The following PRMT3 variants were observed in gnomAD, a reference collection of about 807,000 sequenced individuals.
The protein encoded by PRMT3 is protein arginine methyltransferase 3.
A neutral mutation model predicts 71.9 loss-of-function variants in PRMT3; 62 were observed. That is an observed-to-expected ratio of 0.86 (90% CI 0.70 to 1.07). The LOEUF (loss-of-function observed/expected upper bound fraction) is 1.07. Ranked by LOEUF, PRMT3 falls within the 50% of genes least tolerant of loss-of-function variation. PRMT3 has a pLI of 0.00. For missense variants in PRMT3, 663 were observed against 643.0 expected (o/e 1.03, Z -0.34); for synonymous variants, 213 against 220.4 (o/e 0.97, Z 0.30).
intron 9 of PRMT3, among the ~76,000 whole-genome samples, chr11:20,415,826 A>T (rs1026800270): frequency 1.3e-5 from 2 of 152,180 alleles, no homozygotes; most frequent in Non-Finnish European, 2.9e-5. Context: ...TTCTGCAATC[A>T]TATGAGTGAT....
At chr11:20,431,372 T>C (rs1849651779) in intron 10 of PRMT3, among the ~76,000 whole-genome samples, 1 of 152,124 alleles carries the variant, frequency 6.6e-6, no homozygotes, top group Admixed American at 6.5e-5. Flanking sequence ...CATAAGGTTT[T>C]TTTGTGAGGA....
At chr11:20,449,044 C>T (rs1370404346) in intron 10 of PRMT3, among the ~76,000 whole-genome samples, 1 of 152,066 alleles carries the variant, frequency 6.6e-6, no homozygotes, top group Non-Finnish European at 1.5e-5. Flanking sequence ...GGACAATTCC[C>T]AGGAATTTAA....
chr11:20,506,093 C>T (rs570348079), intron 15 of PRMT3, among the ~76,000 whole-genome samples: 34 of 152,248 alleles, frequency 2.2e-4, no homozygotes, highest in African/African-American at 8.2e-4. Context: ...TGAACTTCAT[C>T]TGTGAGTAAG....
At chr11:20,392,164 A>G in intron 3 of PRMT3, 47 bp from the exon 4 acceptor site, 1 of 1,543,644 alleles carries the variant, frequency 6.5e-7, no homozygotes, top group African/African-American at 1.4e-5. Context: ...TCAGTTAAAC[A>G]AAACTCATTA....
chr11:20,395,753 G>C (rs749037459), intron 5 of PRMT3, 50 bp from the exon 6 acceptor site: 5 of 1,546,320 alleles, frequency 3.2e-6, no homozygotes, highest in Non-Finnish European at 3.5e-6. Flanking sequence ...ATTTATACTT[G>C]TTTTATTGTT....
At chr11:20,405,872 C>T (rs1849058426) in intron 8 of PRMT3, 1 of 152,116 alleles carries the variant, frequency 6.6e-6, no homozygotes, top group Non-Finnish European at 1.5e-5. Context: ...GTATTAAATA[C>T]ATTTATAATG....
intron 11 of PRMT3, among the ~76,000 whole-genome samples, chr11:20,456,772 TATCAATTTGGAATTGG>T (rs1850276000): frequency 6.6e-6 from 1 of 152,250 alleles, no homozygotes; most frequent in Non-Finnish European, 1.5e-5. Flanking sequence ...TGAATGAATT[TATCAATTTGGAATTGG>T]ATAAATTTGG....
At chr11:20,414,169 G>T (rs1226083476) in intron 9 of PRMT3, among the ~76,000 whole-genome samples, 1 of 152,030 alleles carries the variant, frequency 6.6e-6, no homozygotes, top group African/African-American at 2.4e-5. Flanking sequence ...ACCTGGGCAA[G>T]ATAGAACTGT....
chr11:20,503,052 T>TAA (rs553968683), intron 15 of PRMT3, among the ~76,000 whole-genome samples: 2 of 138,024 alleles, frequency 1.4e-5, no homozygotes, highest in Non-Finnish European at 3.2e-5. Flanking sequence ...TAATCCATCC[T>TAA]AAAGAATCAA....
At chr11:20,507,966 C>T (rs1257585727) in intron 15 of PRMT3, among the ~76,000 whole-genome samples, 1 of 151,784 alleles carries the variant, frequency 6.6e-6, no homozygotes, top group Non-Finnish European at 1.5e-5. Flanking sequence ...ATTAGCTGGG[C>T]ATGGTGGCAT....
intron 10 of PRMT3, among the ~76,000 whole-genome samples, chr11:20,435,868 C>G (rs1437436087): frequency 6.6e-6 from 1 of 152,156 alleles, no homozygotes; most frequent in Admixed American, 6.6e-5. Context: ...CGAAGAATGT[C>G]ATTGGTATTT....
At position 20,462,151 on chromosome 11, in the gene PRMT3, A is replaced by C; in HGVS notation, c.1244A>C (p.Glu415Ala). Residue 415 changes from glutamate to alanine, a missense_variant, in exon 12 of 16, where the codon GAA becomes GCA. Coordinates refer to ENST00000331079, the MANE Select transcript of PRMT3 (RefSeq NM_005788.4). Reference protein sequence around the residue: ...EVLDPKTLISEPCGIKHIDCH... With the variant: ...EVLDPKTLISAPCGIKHIDCH... ...TTAGATCCGAAGACTCTTATTTCAG[A>C]ACCTTGTGGTATTAAGGTAGGTGTT... 3 of 1,607,052 alleles carry C rather than the reference A, an allele frequency of 1.9e-6. No individual in the cohort carries two copies. Among genetic ancestry groups the C allele is most frequent in the Non-Finnish European group, 2.6e-6 (3 of 1,175,354 alleles).
chr11:20,454,712 G>A (rs926343835), intron 11 of PRMT3, among the ~76,000 whole-genome samples: 1 of 152,082 alleles, frequency 6.6e-6, no homozygotes, highest in Non-Finnish European at 1.5e-5. Context: ...CTGAAGGAAA[G>A]ATTTACCAAG....
intron 15 of PRMT3, among the ~76,000 whole-genome samples, chr11:20,500,837 C>G (rs1163816895): frequency 6.6e-6 from 1 of 152,150 alleles, no homozygotes; most frequent in Non-Finnish European, 1.5e-5. Context: ...TGGCAACATT[C>G]GAACACATTT....
intron 10 of PRMT3, among the ~76,000 whole-genome samples, chr11:20,446,474 A>AGGTTCTG (rs1850032539): frequency 2.0e-5 from 3 of 151,860 alleles, no homozygotes; most frequent in Admixed American, 1.3e-4. Context: ...TTATGAGCAG[A>AGGTTCTG]GGTTCTGGGT....
chr11:20,466,575 A>T (rs990257110), intron 13 of PRMT3, among the ~76,000 whole-genome samples: 1 of 152,130 alleles, frequency 6.6e-6, no homozygotes, highest in Non-Finnish European at 1.5e-5. Context: ...AGTTTTAGCT[A>T]CAGTTTTATA....
intron 13 of PRMT3, among the ~76,000 whole-genome samples, chr11:20,491,270 A>T (rs1167536746): frequency 2.0e-5 from 3 of 152,194 alleles, no homozygotes; most frequent in Non-Finnish European, 4.4e-5. Context: ...GAACATGGTT[A>T]TAATTGCTGC....
At chr11:20,447,784 C>G (rs976698071) in intron 10 of PRMT3, among the ~76,000 whole-genome samples, 1 of 151,922 alleles carries the variant, frequency 6.6e-6, no homozygotes, top group African/African-American at 2.4e-5. Context: ...CGTTGTTTAC[C>G]AAGATCTTAT....
chr11:20,460,372 T>C lies in PRMT3; in HGVS notation c.1073-1608T>C, dbSNP rs921499262. Among the ~76,000 whole-genome samples the C allele has an allele frequency of 8.5e-5, 13 of 152,310 alleles. No homozygotes were observed. The South Asian group carries it at 2.7e-3, about 32-fold the overall frequency. ...ACCCTAAAAGTTGATATTTGAGATA[T>C]TGGAAAGACAAAGTTAATTTTGTTA... On this transcript the variant is annotated intron_variant, in intron 11 of 15. Transcript: ENST00000331079.
Sources: gnomAD v4.1 joint callset for allele counts (sites outside exome capture counted in the v4.1 genomes callset) on GRCh38, gnomAD v4.1.1 for gene constraint, MANE v1.5 for transcripts, NCBI Gene and HGNC (gene_info 2026-07-23, HGNC 2026-07-21) for gene names.